NDC1: variants seen among roughly 807,000 people sequenced by gnomAD.
NDC1 encodes NDC1 transmembrane nucleoporin.
In NDC1, 24 loss-of-function variants were observed where a neutral mutation model predicts 89.8. The ratio of observed to expected loss-of-function variants is 0.27; its 90% CI spans 0.19 to 0.38. The LOEUF is 0.38. NDC1 is among the 10% of genes least tolerant of loss of function. The probability of loss-of-function intolerance (pLI) is 1.00; values close to 1 mark genes in which losing one functional copy is unlikely to be tolerated. For synonymous variants in NDC1, 296 were observed against 284.8 expected (o/e 1.04, Z -0.39); for missense variants, 728 against 797.6 (o/e 0.91, Z 1.05).
chr1:53,815,928 A>G (rs1447842636), intron 6 of NDC1, among the ~76,000 whole-genome samples: 1 of 152,204 alleles, frequency 6.6e-6, no homozygotes, highest in Non-Finnish European at 1.5e-5. Flanking sequence ...GAAAACTACA[A>G]AACATTGCTG....
intron 5 of NDC1, among the ~76,000 whole-genome samples, chr1:53,824,716 T>C (rs1334406262): frequency 1.3e-5 from 2 of 152,224 alleles, no homozygotes; most frequent in East Asian, 3.8e-4. Context: ...CAGATTACAT[T>C]TTTAAGACTT....
At position 53,829,754 on chromosome 1, in the gene NDC1, A is replaced by G. The variant is rs1648989908; in HGVS notation, c.281-1581T>C. Among the ~76,000 whole-genome samples the G allele has an allele frequency of 2.0e-5, 3 of 152,274 alleles. No individual in the cohort carries two copies. In the South Asian group the frequency reaches 6.2e-4, roughly 31 times the overall value. ...CATATTACATACAGAAGATGACCCAAGCATATGGGAGAGTATGAAAGAACA... is the reference window on the plus strand; with the variant it reads ...CATATTACATACAGAAGATGACCCAGGCATATGGGAGAGTATGAAAGAACA... On this transcript the variant is annotated intron_variant, in intron 3 of 17. Coordinates refer to ENST00000371429, the MANE Select transcript of NDC1 (RefSeq NM_018087.5).
At chr1:53,829,129 T>C (rs1380246902) in intron 3 of NDC1, among the ~76,000 whole-genome samples, 1 of 152,202 alleles carries the variant, frequency 6.6e-6, no homozygotes, top group Non-Finnish European at 1.5e-5. Flanking sequence ...TGTTTACCTT[T>C]GGAAACAGCT....
intron 4 of NDC1, among the ~76,000 whole-genome samples, chr1:53,827,145 C>A (rs1648891176): frequency 6.6e-6 from 1 of 151,868 alleles, no homozygotes; most frequent in Non-Finnish European, 1.5e-5. Flanking sequence ...GAAAAAACAA[C>A]CTGCCTTATA....
At chr1:53,789,245 T>G (rs766459039) in intron 14 of NDC1, 49 bp from the exon 15 acceptor site, 11 of 1,172,018 alleles carry the variant, frequency 9.4e-6, no homozygotes, top group Non-Finnish European at 1.4e-5. Flanking sequence ...GAGCAAAAAC[T>G]CCATTATTTC....
chr1:53,788,319 A>C (rs1045271262), intron 15 of NDC1, among the ~76,000 whole-genome samples: 2 of 151,866 alleles, frequency 1.3e-5, no homozygotes, highest in African/African-American at 4.8e-5. Context: ...AAAAAGACTA[A>C]GTGTGGTGGC....
intron 6 of NDC1, among the ~76,000 whole-genome samples, chr1:53,814,095 T>C (rs1028291458): frequency 3.3e-5 from 5 of 152,240 alleles, no homozygotes; most frequent in Non-Finnish European, 5.9e-5. Context: ...GGCTCATGCC[T>C]GTAATCCCAG....
chr1:53,780,690 T>C (rs1251669341), intron 16 of NDC1, among the ~76,000 whole-genome samples: 1 of 152,152 alleles, frequency 6.6e-6, no homozygotes, highest in Non-Finnish European at 1.5e-5. Flanking sequence ...AAACCAAGGC[T>C]ATCTAAAGAA....
At chr1:53,805,885 T>C (rs1273928025) in intron 9 of NDC1, among the ~76,000 whole-genome samples, 1 of 152,016 alleles carries the variant, frequency 6.6e-6, no homozygotes, top group African/African-American at 2.4e-5. Flanking sequence ...CCATCCTGGC[T>C]AACACGGTGA....
intron 17 of NDC1, among the ~76,000 whole-genome samples, chr1:53,770,827 G>GT (rs1423140320): frequency 6.6e-6 from 1 of 151,436 alleles, no homozygotes; most frequent in Non-Finnish European, 1.5e-5. Context: ...GTGAATTTTT[G>GT]TATTTTTGGT....
chr1:53,772,480 T>G lies in NDC1; in HGVS notation c.1810A>C (p.Lys604Gln). Residue 604 changes from lysine (K) to glutamine (Q), a missense_variant, in exon 17 of 18, where the codon AAG (lysine) becomes CAG (glutamine). By Grantham distance (53) the Lys-to-Gln change is moderately conservative. Coordinates refer to ENST00000371429, the MANE Select transcript of NDC1 (RefSeq NM_018087.5). Reference sequence around the variant, plus strand: ...GAAGCATGAGGAAGCTTAAAGTACTTGTCGACTGCCTACACCAAGAAAGAA... The same window carrying G: ...GAAGCATGAGGAAGCTTAAAGTACTGGTCGACTGCCTACACCAAGAAAGAA... Reference protein sequence around the residue: ...TLLTLQEAVDKYFKLPHASSK... With the variant: ...TLLTLQEAVDQYFKLPHASSK... 1 of 1,612,944 alleles carries G rather than the reference T, an allele frequency of 6.2e-7. No individual in the cohort carries two copies. The highest frequency in any genetic ancestry group is 8.5e-7 in the Non-Finnish European group (1 of 1,179,284).
intron 11 of NDC1, among the ~76,000 whole-genome samples, chr1:53,800,375 C>T (rs1315117625): frequency 1.8e-5 from 2 of 112,342 alleles, no homozygotes; most frequent in Admixed American, 1.2e-4. Flanking sequence ...CTCACTCTGT[C>T]GCCAGGCTGG....
intron 9 of NDC1, among the ~76,000 whole-genome samples, chr1:53,804,234 G>A (rs1166766989): frequency 6.6e-6 from 1 of 152,000 alleles, no homozygotes; most frequent in African/African-American, 2.4e-5. Context: ...AGAATTCTCT[G>A]TGCTCTTTCA....
intron 15 of NDC1, 55 bp downstream of exon 15, chr1:53,789,078 T>G: frequency 1.7e-6 from 2 of 1,147,908 alleles, no homozygotes; most frequent in Non-Finnish European, 2.6e-6. Flanking sequence ...TGAATTATAC[T>G]TCAATATTTA....
intron 16 of NDC1, among the ~76,000 whole-genome samples, chr1:53,785,908 CATTT>C (rs766069432): frequency 3.3e-5 from 5 of 151,134 alleles, no homozygotes; most frequent in Admixed American, 6.6e-5. Context: ...TATTTTTATT[CATTT>C]ATTTATTTAT....
In NDC1 at chr1:53,828,057, C is replaced by G. The variant is rs751036886; in HGVS notation, c.397G>C (p.Ala133Pro). The G allele has an allele frequency of 1.2e-6, 2 of 1,614,098 alleles. No individual in the cohort carries two copies. The highest frequency in any genetic ancestry group is 1.7e-6 in the Non-Finnish European group (2 of 1,180,000). ...AMGMVMAWCA[A>P]VITQGQYSFL... is the part of the protein sequence containing the mutation. ...CTGTACTGGCCCTGGGTTATCACTG[C>G]AGCACACCAGGCCATCACCATTCCC... The change falls in exon 4 of 18, where the codon GCA (alanine) becomes CCA (proline). Residue 133 changes from alanine (A) to proline (P), a missense_variant. Ala to Pro is a conservative substitution (Grantham distance 27). Coordinates refer to ENST00000371429, the MANE Select transcript of NDC1 (RefSeq NM_018087.5).
At chr1:53,828,877 G>A (rs901516035) in intron 3 of NDC1, among the ~76,000 whole-genome samples, 1 of 152,128 alleles carries the variant, frequency 6.6e-6, no homozygotes, top group African/African-American at 2.4e-5. Flanking sequence ...CTCCCAAAGT[G>A]TTGGGATTAC....
At chr1:53,825,179 G>GA (rs955050720) in intron 5 of NDC1, among the ~76,000 whole-genome samples, 5 of 150,640 alleles carry the variant, frequency 3.3e-5, no homozygotes, top group African/African-American at 1.2e-4. Context: ...TCTCAAAAAA[G>GA]AAAAAAAGAG....
chr1:53,807,758 G>C lies in NDC1; in HGVS notation c.789C>G (p.Gly263=). 1 of 1,613,116 alleles carries C rather than the reference G, an allele frequency of 6.2e-7. No individual in the cohort carries two copies. ...GGTAGAGTAACGAGAGATTTAAGAG[G>C]CCACTCACTGTGTCAAGTGGCCTAT... ...QVHRPLDTVS[G]LLNLSLLYHV... The change falls in exon 8 of 18, where the codon GGC becomes GGG. Residue 263 remains glycine (G), a synonymous_variant. Transcript: ENST00000371429.
Sources: allele counts gnomAD v4.1 joint callset (sites outside exome capture counted in the v4.1 genomes callset), GRCh38; gene constraint gnomAD v4.1.1; transcripts MANE v1.5; gene names NCBI Gene and HGNC (gene_info 2026-07-23, HGNC 2026-07-21).